Variants in SGCZ observed in about 807,000 individuals in gnomAD.
SGCZ encodes the protein sarcoglycan zeta.
In SGCZ, 40 loss-of-function variants were observed where a neutral mutation model predicts 41.3. The observed-to-expected ratio is 0.97, with a 90% CI of 0.75 to 1.26. The LOEUF (loss-of-function observed/expected upper bound fraction) is 1.26, where lower values mean the gene tolerates loss of function less well. Ranked by LOEUF, SGCZ falls within the 50% of genes most tolerant of loss-of-function variation. The pLI, the probability that SGCZ is intolerant of heterozygous loss-of-function variation, is 0.00. For missense variants in SGCZ, 552 were observed against 369.8 expected (o/e 1.49, Z -4.04); for synonymous variants, 206 against 137.5 (o/e 1.50, Z -3.49).
At chr8:14,098,630 C>G (rs1366751156) in intron 7 of SGCZ, among the ~76,000 whole-genome samples, 1 of 152,168 alleles carries the variant, frequency 6.6e-6, no homozygotes, top group Admixed American at 6.6e-5. Flanking sequence ...GTGTTTAAGT[C>G]TACAGGCTGG....
At chr8:14,139,359 G>C (rs1414327974) in intron 5 of SGCZ, among the ~76,000 whole-genome samples, 2 of 152,020 alleles carry the variant, frequency 1.3e-5, no homozygotes, top group East Asian at 3.9e-4. Flanking sequence ...AGAGCTGAAG[G>C]AGATAGACAC....
chr8:14,524,573 T>C (rs552125929), intron 2 of SGCZ, among the ~76,000 whole-genome samples: 1 of 152,156 alleles, frequency 6.6e-6, no homozygotes, highest in African/African-American at 2.4e-5. Context: ...TAAACATACA[T>C]TTTAAAAAAC....
chr8:15,126,824 C>T (rs1038574485), intron 1 of SGCZ, among the ~76,000 whole-genome samples: 2 of 151,864 alleles, frequency 1.3e-5, no homozygotes, highest in Admixed American at 1.3e-4. Flanking sequence ...GAGATAATAG[C>T]CAATTTGACA....
At chr8:14,742,313 T>G (rs2244348) in intron 1 of SGCZ, among the ~76,000 whole-genome samples, 123,307 of 151,812 alleles carry the variant, frequency 0.81, 50,327 homozygotes, top group African/African-American at 0.91. Context: ...GCACGCGCGC[T>G]CACACACACA....
intron 1 of SGCZ, among the ~76,000 whole-genome samples, chr8:14,627,037 C>G (rs953288719): frequency 2.0e-5 from 3 of 152,162 alleles, no homozygotes; most frequent in African/African-American, 4.8e-5. Context: ...ATTCTCTTAG[C>G]TAATCTCTTT....
chr8:14,425,665 C>A (rs1214596262), intron 2 of SGCZ, among the ~76,000 whole-genome samples: 1 of 151,778 alleles, frequency 6.6e-6, no homozygotes, highest in Non-Finnish European at 1.5e-5. Flanking sequence ...GTACATCTTA[C>A]AAATGTATTA....
chr8:15,076,803 C>G (rs889124845), intron 1 of SGCZ, among the ~76,000 whole-genome samples: 1 of 150,874 alleles, frequency 6.6e-6, no homozygotes, highest in South Asian at 2.1e-4. Context: ...CCGCCTCCCT[C>G]CAGCATTCCC....
Position 14,601,927 on chromosome 8 carries a change from G to T in SGCZ, c.40-47001C>A, listed in dbSNP as rs11997274. Among the ~76,000 whole-genome samples, 347 of 151,952 alleles carry T rather than the reference G, an allele frequency of 2.3e-3. 2 individuals are homozygous for T. Among genetic ancestry groups the T allele is most frequent in the African/African-American group, 4.0e-3 (166 of 41,498 alleles). ...CGAGGTCAGGAGATCGAGACCATCCGGGCTAACACGGTGAAACCCCGTCTC... is the reference window on the plus strand; with the variant it reads ...CGAGGTCAGGAGATCGAGACCATCCTGGCTAACACGGTGAAACCCCGTCTC... On this transcript the variant is annotated intron_variant, in intron 1 of 7. Transcript: ENST00000382080.
intron 1 of SGCZ, among the ~76,000 whole-genome samples, chr8:14,656,452 CT>C (rs1807576549): frequency 7.2e-6 from 1 of 139,732 alleles, no homozygotes; most frequent in Admixed American, 7.4e-5. Context: ...CCCTCCCTTC[CT>C]TCTTTTCTTT....
At chr8:14,851,765 GT>G (rs1192786150) in intron 1 of SGCZ, among the ~76,000 whole-genome samples, 1 of 152,074 alleles carries the variant, frequency 6.6e-6, no homozygotes, top group African/African-American at 2.4e-5. Flanking sequence ...TGCTGGAGAT[GT>G]TTGGACTTCA....
chr8:14,555,668 T>C (rs1210255883), intron 1 of SGCZ, among the ~76,000 whole-genome samples: 4 of 152,076 alleles, frequency 2.6e-5, no homozygotes, highest in Non-Finnish European at 5.9e-5. Context: ...ACTTAGACTA[T>C]GATTTACCTG....
intron 1 of SGCZ, among the ~76,000 whole-genome samples, chr8:14,624,288 G>A (rs1328777770): frequency 6.6e-6 from 1 of 152,014 alleles, no homozygotes; most frequent in Admixed American, 6.6e-5. Flanking sequence ...CAATAACAAT[G>A]TTTATAATGC....
intron 1 of SGCZ, among the ~76,000 whole-genome samples, chr8:14,580,138 C>G (rs1804839748): frequency 6.6e-6 from 1 of 152,116 alleles, no homozygotes; most frequent in Admixed American, 6.6e-5. Context: ...ATCACAAACA[C>G]AGAATTGCTC....
rs143547503 is a variant in SGCZ, at chr8:14,393,512, C to A, written c.235-69308G>T. On this transcript the variant is annotated intron_variant, in intron 2 of 7. Coordinates refer to ENST00000382080, the MANE Select transcript of SGCZ (RefSeq NM_139167.4). ...CCTTCCCCACTCACTATGTAAATGTCAAACTTGATCTAACCAACCTGTGAG... is the reference window on the plus strand; with the variant it reads ...CCTTCCCCACTCACTATGTAAATGTAAAACTTGATCTAACCAACCTGTGAG... Among the ~76,000 whole-genome samples the A allele has an allele frequency of 4.9e-3, 747 of 152,286 alleles. 7 individuals are homozygous for A. Among genetic ancestry groups the A allele is most frequent in the Non-Finnish European group, 8.5e-3 (575 of 68,032 alleles).
chr8:14,751,989 C>A (rs1389525790), intron 1 of SGCZ, among the ~76,000 whole-genome samples: 2 of 150,530 alleles, frequency 1.3e-5, no homozygotes, highest in African/African-American at 2.4e-5. Context: ...AGGACAGACA[C>A]AATGGAACTA....
At chr8:14,658,836 G>A (rs977790371) in intron 1 of SGCZ, among the ~76,000 whole-genome samples, 9 of 151,564 alleles carry the variant, frequency 5.9e-5, no homozygotes, top group African/African-American at 2.2e-4. Flanking sequence ...GAGAGCAGAT[G>A]CTTAATAAAC....
intron 4 of SGCZ, among the ~76,000 whole-genome samples, chr8:14,214,613 C>T (rs1490475907): frequency 1.3e-5 from 2 of 151,852 alleles, no homozygotes; most frequent in African/African-American, 4.8e-5. Context: ...AATGGTTCAG[C>T]TATATTGTTT....
At position 14,108,248 on chromosome 8, in the gene SGCZ, T is replaced by G. The variant is rs768221881; in HGVS notation, c.548-13A>C. 1.9e-6 allele frequency: 3 copies of G among 1,613,452 alleles called. No individual in the cohort carries two copies. In the Admixed American group the frequency reaches 5.0e-5, roughly 27 times the overall value. On this transcript the variant is annotated splice_polypyrimidine_tract_variant and intron_variant, in intron 5 of 7. Coordinates refer to ENST00000382080, the MANE Select transcript of SGCZ (RefSeq NM_139167.4). Reference sequence around the variant, plus strand: ...GCTCCTTCAGTGCCTGGGGGTAGCATGAATATAGCAGTCAGTATAAGCAAG... The same window carrying G: ...GCTCCTTCAGTGCCTGGGGGTAGCAGGAATATAGCAGTCAGTATAAGCAAG...
At position 14,770,754 on chromosome 8, in the gene SGCZ, C is replaced by A. The variant is rs114191285; in HGVS notation, c.40-215828G>T. ...AGTATCTGCCACCAAAAGTTCATAA[C>A]CCTGTGATTGAGACAAACACATAAA... On this transcript the variant is annotated intron_variant, in intron 1 of 7. Coordinates refer to ENST00000382080, the MANE Select transcript of SGCZ (RefSeq NM_139167.4). Among the ~76,000 whole-genome samples, 757 of 152,070 alleles carry A rather than the reference C, an allele frequency of 5.0e-3. 2 individuals carry two copies. The highest frequency in any genetic ancestry group is 0.017 in the African/African-American group (709 of 41,500).
Sources: allele counts gnomAD v4.1 joint callset (sites outside exome capture counted in the v4.1 genomes callset), GRCh38; gene constraint gnomAD v4.1.1; transcripts MANE v1.5; gene names NCBI Gene and HGNC (gene_info 2026-07-23, HGNC 2026-07-21).